The following DGKG variants were observed in gnomAD, a reference collection of about 807,000 sequenced individuals.
The protein encoded by DGKG is diacylglycerol kinase gamma.
Under a neutral mutation model 105.3 loss-of-function variants are expected in DGKG, and 78 were observed. The ratio of observed to expected loss-of-function variants is 0.74; its 90% CI spans 0.62 to 0.89. The LOEUF is 0.89. Ranked by LOEUF, DGKG falls within the 40% of genes least tolerant of loss-of-function variation. The pLI, the probability that DGKG is intolerant of heterozygous loss-of-function variation, is 0.00. For synonymous variants in DGKG, 346 were observed against 367.1 expected (o/e 0.94, Z 0.66); for missense variants, 958 against 1,020.1 (o/e 0.94, Z 0.83).
intron 22 of DGKG, among the ~76,000 whole-genome samples, chr3:186,169,805 A>G (rs1716735719): frequency 6.6e-6 from 1 of 152,240 alleles, no homozygotes; most frequent in Non-Finnish European, 1.5e-5. Context: ...AGTCAAAGAA[A>G]GAACAAGGAA....
chr3:186,332,935 G>T (rs760036946), intron 1 of DGKG, among the ~76,000 whole-genome samples: 4 of 152,050 alleles, frequency 2.6e-5, no homozygotes, highest in Non-Finnish European at 2.9e-5. Context: ...AACACGTTCA[G>T]CCCCCTCACC....
intron 23 of DGKG, among the ~76,000 whole-genome samples, 193 bp downstream of exon 23, chr3:186,164,705 C>T (rs533108652): frequency 6.6e-6 from 1 of 152,310 alleles, no homozygotes; most frequent in African/African-American, 2.4e-5. Flanking sequence ...GTGTGTCCTC[C>T]AGTTGATGTT....
chr3:186,353,940 A>T (rs1726779324), intron 1 of DGKG, among the ~76,000 whole-genome samples: 1 of 152,158 alleles, frequency 6.6e-6, no homozygotes, highest in Non-Finnish European at 1.5e-5. Context: ...ACATATGGCT[A>T]CTAGCTTCCT....
At chr3:186,265,217 G>C (rs561293364) in intron 14 of DGKG, 30 bp downstream of exon 14, 2 of 1,611,228 alleles carry the variant, frequency 1.2e-6, no homozygotes, top group Non-Finnish European at 1.7e-6. Flanking sequence ...AACTTAGAAG[G>C]TGCAATCGGA....
At chr3:186,185,084 C>T (rs1029850984) in intron 22 of DGKG, among the ~76,000 whole-genome samples, 3 of 152,158 alleles carry the variant, frequency 2.0e-5, no homozygotes, top group Non-Finnish European at 4.4e-5. Context: ...AAAGGACTTG[C>T]CTCAAGTCAC....
At chr3:186,288,499 C>T (rs1476070881) in intron 6 of DGKG, among the ~76,000 whole-genome samples, 3 of 152,154 alleles carry the variant, frequency 2.0e-5, no homozygotes, top group African/African-American at 7.2e-5. Context: ...GATGCCCTTC[C>T]CATGTGATAC....
chr3:186,236,049 A>G (rs949869355), intron 20 of DGKG, among the ~76,000 whole-genome samples: 1 of 152,112 alleles, frequency 6.6e-6, no homozygotes, highest in Non-Finnish European at 1.5e-5. Context: ...TCGAATCTCT[A>G]GTGTCCAGAT....
intron 14 of DGKG, chr3:186,262,041 C>G: frequency 2.6e-6 from 1 of 377,996 alleles, no homozygotes; most frequent in Admixed American, 4.3e-5. Flanking sequence ...TCAAATCATT[C>G]AACGATGACG....
intron 21 of DGKG, among the ~76,000 whole-genome samples, chr3:186,199,395 T>C (rs1446063145): frequency 6.6e-6 from 1 of 152,208 alleles, no homozygotes; most frequent in Non-Finnish European, 1.5e-5. Context: ...GATAATGATA[T>C]TAATCCACAC....
At chr3:186,214,010 G>C (rs1719161976) in intron 20 of DGKG, among the ~76,000 whole-genome samples, 1 of 152,194 alleles carries the variant, frequency 6.6e-6, no homozygotes, top group Non-Finnish European at 1.5e-5. Context: ...GTAGCCAGGA[G>C]ACTTGCTTGT....
intron 1 of DGKG, among the ~76,000 whole-genome samples, chr3:186,346,176 G>A (rs551185935): frequency 3.3e-5 from 5 of 152,130 alleles, no homozygotes; most frequent in Non-Finnish European, 5.9e-5. Flanking sequence ...CACATGCTTG[G>A]TTTGACTTTT....
intron 20 of DGKG, among the ~76,000 whole-genome samples, chr3:186,221,897 A>G (rs1719600599): frequency 6.6e-6 from 1 of 152,214 alleles, no homozygotes; most frequent in Non-Finnish European, 1.5e-5. Context: ...GAGCCAGCTG[A>G]GCTCTGCCGG....
chr3:186,281,671 G>A (rs1022482381), intron 7 of DGKG, among the ~76,000 whole-genome samples: 47 of 152,176 alleles, frequency 3.1e-4, no homozygotes, highest in Admixed American at 1.3e-4. Flanking sequence ...TACAGGATAG[G>A]CCAGTAGATG....
At chr3:186,237,224 T>C (rs1720461438) in intron 20 of DGKG, among the ~76,000 whole-genome samples, 1 of 152,234 alleles carries the variant, frequency 6.6e-6, no homozygotes, top group Admixed American at 6.5e-5. Context: ...AAAAGTGTCT[T>C]CTTTTTATTA....
chr3:186,333,399 T>C (rs1725690218), intron 1 of DGKG, among the ~76,000 whole-genome samples: 2 of 152,114 alleles, frequency 1.3e-5, no homozygotes, highest in African/African-American at 4.8e-5. Flanking sequence ...AGCAGACAGA[T>C]TTTGGGTCTG....
At chr3:186,253,813 G>C (rs181634657) in intron 17 of DGKG, among the ~76,000 whole-genome samples, 1 of 152,178 alleles carries the variant, frequency 6.6e-6, no homozygotes, top group Non-Finnish European at 1.5e-5. Context: ...AACAGGTGGG[G>C]CTAGGACACT....
chr3:186,232,485 T>C (rs1720200539), intron 20 of DGKG, among the ~76,000 whole-genome samples: 2 of 152,252 alleles, frequency 1.3e-5, no homozygotes, highest in Admixed American at 6.5e-5. Flanking sequence ...AAATGATATG[T>C]ATAGCTTTAT....
chr3:186,217,206 T>C (rs1719336038), intron 20 of DGKG, among the ~76,000 whole-genome samples: 1 of 152,200 alleles, frequency 6.6e-6, no homozygotes, highest in Non-Finnish European at 1.5e-5. Context: ...AAACTAACGA[T>C]GTTTTCATGG....
chr3:186,147,642 G>C lies in DGKG; in HGVS notation c.*2448C>G. ...AGTCCTGTGCACTAGGGTGCAGCAG[G>C]TAAGGGCCATTTTCTGCACTGCCCC... On this transcript the variant is annotated 3_prime_UTR_variant, in exon 25 of 25. Transcript: ENST00000265022. 1.0e-6 allele frequency: 1 copy of C among 985,390 alleles called. No homozygotes were observed. Among genetic ancestry groups the C allele is most frequent in the African/African-American group, 1.7e-5 (1 of 57,348 alleles). 61.0% of individuals were successfully genotyped at this position (985,390 alleles called of 1,614,324 possible). A position where few individuals can be genotyped will look rare whatever the true frequency, so the allele number is the denominator to read the frequency against.
Sources: allele counts gnomAD v4.1 joint callset (sites outside exome capture counted in the v4.1 genomes callset), GRCh38; gene constraint gnomAD v4.1.1; transcripts MANE v1.5; gene names NCBI Gene and HGNC (gene_info 2026-07-23, HGNC 2026-07-21).